The following MRE11 variants were observed in gnomAD, a reference collection of about 807,000 sequenced individuals.
MRE11 encodes the protein double-strand break repair protein MRE11.
A neutral mutation model predicts 91.7 loss-of-function variants in MRE11; 62 were observed. The ratio of observed to expected loss-of-function variants is 0.68; its 90% confidence interval spans 0.55 to 0.84. MRE11 has a LOEUF of 0.84. Among genes scored for constraint, MRE11 ranks in the 40% least tolerant of loss-of-function variants. The pLI is 0.00. For synonymous variants in MRE11, 273 were observed against 271.4 expected (o/e 1.01, Z -0.06); for missense variants, 796 against 852.9 (o/e 0.93, Z 0.83).
intron 14 of MRE11, among the ~76,000 whole-genome samples, chr11:94,455,715 TATGGTTA>T (rs1946232206): frequency 6.6e-6 from 1 of 152,160 alleles, no homozygotes; most frequent in South Asian, 2.1e-4. Flanking sequence ...CTTGCTTACT[TATGGTTA>T]ACATTGCTAA....
rs1945087972 is a variant in MRE11, at chr11:94,418,779, A to AATG, written c.*1345_*1346insCAT. ...ACTTGCTCAAATAACCCTTATGCTCAAGTTAGGTACAGAAAAAATATTTTT... is the reference window on the plus strand; with the variant it reads ...ACTTGCTCAAATAACCCTTATGCTCAATGAGTTAGGTACAGAAAAAATATTTTT... On this transcript the variant is annotated 3_prime_UTR_variant, in exon 20 of 20. Transcript: ENST00000323929. 1 of 232,136 alleles carries AATG rather than the reference A, an allele frequency of 4.3e-6. No individual in the cohort carries two copies. 14.4% of individuals were successfully genotyped at this position (232,136 alleles called of 1,614,324 possible). A position where few individuals can be genotyped will look rare whatever the true frequency, so the allele number is the denominator to read the frequency against.
intron 19 of MRE11, 118 bp downstream of exon 19, chr11:94,429,793 A>C: frequency 1.2e-6 from 1 of 865,078 alleles, no homozygotes; most frequent in East Asian, 2.8e-5. Flanking sequence ...GTACTCCCTG[A>C]ACATAAAAGA....
the MRE11 span, among the ~76,000 whole-genome samples, chr11:94,501,853 T>C: frequency 6.6e-6 from 1 of 152,186 alleles, no homozygotes; most frequent in Admixed American, 6.5e-5. Context: ...AAAAATCATA[T>C]GGTGTTATTT....
In MRE11 at chr11:94,480,876, GC is replaced by G. The variant is rs376554978; in HGVS notation, c.315-1116del. Among the ~76,000 whole-genome samples the G allele has an allele frequency of 3.0e-3, 459 of 152,250 alleles. 2 individuals carry two copies. Among genetic ancestry groups the G allele is most frequent in the African/African-American group, 0.011 (440 of 41,528 alleles). On this transcript the variant is annotated intron_variant, in intron 4 of 19. Transcript: ENST00000323929. ...CTAAGTTAGTTGGCCTGGAGAGGGG[GC>G]CATCCATATTTTCAAAGGTTCTTAG... is the stretch of plus-strand genomic sequence containing the variant.
intron 4 of MRE11, among the ~76,000 whole-genome samples, chr11:94,483,457 T>C (rs941885460): frequency 2.0e-5 from 3 of 152,160 alleles, no homozygotes; most frequent in Admixed American, 2.0e-4. Context: ...GCCTTTCCTG[T>C]GCTGTTCTGG....
chr11:94,444,767 T>C (rs556574449), intron 16 of MRE11, among the ~76,000 whole-genome samples: 1 of 152,204 alleles, frequency 6.6e-6, no homozygotes, highest in Non-Finnish European at 1.5e-5. Flanking sequence ...GAGAATTAGT[T>C]CAGCTCCCCA....
chr11:94,488,176 A>G (rs1384386142), intron 3 of MRE11, among the ~76,000 whole-genome samples: 2 of 152,178 alleles, frequency 1.3e-5, no homozygotes, highest in African/African-American at 4.8e-5. Context: ...AGGGCTCAAG[A>G]GTTAAAAAAG....
chr11:94,421,096 G>C (rs1404749212), intron 19 of MRE11, among the ~76,000 whole-genome samples: 5 of 151,350 alleles, frequency 3.3e-5, no homozygotes, highest in Admixed American at 3.3e-4. Context: ...AGAATAAATA[G>C]GAATATCAGA....
At chr11:94,458,122 T>C (rs1946310691) in intron 13 of MRE11, among the ~76,000 whole-genome samples, 1 of 152,098 alleles carries the variant, frequency 6.6e-6, no homozygotes, top group South Asian at 2.1e-4. Context: ...TAGTTACACA[T>C]TGACACCATA....
At chr11:94,421,578 C>T (rs893830482) in intron 19 of MRE11, among the ~76,000 whole-genome samples, 11 of 152,200 alleles carry the variant, frequency 7.2e-5, no homozygotes, top group Admixed American at 7.2e-4. Flanking sequence ...AATAATTGCT[C>T]ACTTCCCTCC....
chr11:94,503,138 C>T, the MRE11 span, among the ~76,000 whole-genome samples: 1 of 151,276 alleles, frequency 6.6e-6, no homozygotes, highest in African/African-American at 2.4e-5. Context: ...ATCTCTAGAA[C>T]TGCAGAGATT....
chr11:94,433,032 G>C (rs922945381), intron 18 of MRE11, among the ~76,000 whole-genome samples: 1 of 152,144 alleles, frequency 6.6e-6, no homozygotes, highest in Non-Finnish European at 1.5e-5. Context: ...AAATGCTCCA[G>C]CAAGAAACCA....
rs150088664 is a variant in MRE11 at position 94,431,853 on chromosome 11, T to C, written c.1995-1867A>G. ...GTCTAAAGAAATCGGCAGACATTTA[T>C]ACAGCTGAAAAGTAAACAATCTACT... On this transcript the variant is annotated intron_variant, in intron 18 of 19. Coordinates refer to ENST00000323929, the MANE Select transcript of MRE11 (RefSeq NM_005591.4). Among the ~76,000 whole-genome samples the C allele has an allele frequency of 2.5e-3, 382 of 152,332 alleles. 2 individuals carry two copies. The highest frequency in any genetic ancestry group is 8.8e-3 in the African/African-American group (367 of 41,574).
At chr11:94,425,057 A>ATG (rs1945274944) in intron 19 of MRE11, among the ~76,000 whole-genome samples, 1 of 152,172 alleles carries the variant, frequency 6.6e-6, no homozygotes, top group Admixed American at 6.5e-5. Flanking sequence ...GAGATTCACC[A>ATG]AGGTCAACAT....
rs1945121924 is a variant in MRE11 at position 94,419,865 on chromosome 11, T to C, written c.*260A>G. The C allele has an allele frequency of 3.4e-6, 1 of 290,622 alleles. No individual in the cohort carries two copies. The highest frequency in any genetic ancestry group is 5.1e-5 in the East Asian group (1 of 19,780). The allele number at this position is 290,622 out of a possible 1,614,324, so 18.0% of individuals were successfully genotyped here. On this transcript the variant is annotated 3_prime_UTR_variant, in exon 20 of 20. Coordinates refer to ENST00000323929, the MANE Select transcript of MRE11 (RefSeq NM_005591.4). ...CATATTAAAATACTGACATAGTTTT[T>C]CATTATGAAATAGAAATGTAAAATG...
intron 18 of MRE11, among the ~76,000 whole-genome samples, chr11:94,432,586 T>A (rs1945490304): frequency 1.3e-5 from 2 of 152,120 alleles, no homozygotes; most frequent in African/African-American, 4.8e-5. Context: ...GGCGGGCGGA[T>A]CACGAGGTCA....
chr11:94,430,197 T>C (rs1945427214), intron 18 of MRE11, among the ~76,000 whole-genome samples: 1 of 152,214 alleles, frequency 6.6e-6, no homozygotes, highest in Non-Finnish European at 1.5e-5. Context: ...TTACTACCTA[T>C]GTGGCTTTGA....
rs774012780 is a variant in MRE11, at chr11:94,445,827, T to G, written c.1850A>C (p.Asn617Thr). 2 of 1,611,482 alleles carry G rather than the reference T, an allele frequency of 1.2e-6. No homozygotes were observed. Among genetic ancestry groups the G allele is most frequent in the Admixed American group, 1.7e-5 (1 of 60,018 alleles). The part of the protein sequence containing the change: ...NSKTAVSASR[N>T]MSIIDAFKST... Reference sequence around the variant, plus strand: ...ATACTCACCATCTATAATAGACATATTTCTAGATGCTGACACAGCAGTCTT... The same window carrying G: ...ATACTCACCATCTATAATAGACATAGTTCTAGATGCTGACACAGCAGTCTT... The change falls in exon 16 of 20, where the codon AAT (asparagine) becomes ACT (threonine). Residue 617 changes from asparagine to threonine, a missense_variant. By Grantham distance (65) the Asn-to-Thr change is moderately conservative (BLOSUM62 0). Transcript: ENST00000323929.
chr11:94,431,002 G>A (rs985054261), intron 18 of MRE11, among the ~76,000 whole-genome samples: 4 of 152,004 alleles, frequency 2.6e-5, no homozygotes, highest in Non-Finnish European at 5.9e-5. Context: ...TTGACCTGCC[G>A]AGCCTAAAAT....
Sources: allele counts gnomAD v4.1 joint callset (sites outside exome capture counted in the v4.1 genomes callset), GRCh38; gene constraint gnomAD v4.1.1; transcripts MANE v1.5; gene names NCBI Gene and HGNC (gene_info 2026-07-23, HGNC 2026-07-21).